KCNQ5: variants seen among roughly 807,000 people sequenced by gnomAD.
KCNQ5 encodes potassium voltage-gated channel subfamily KQT member 5.
In KCNQ5, 30 loss-of-function variants were observed where a neutral mutation model predicts 98.2. That is an observed-to-expected ratio of 0.31 (90% CI 0.23 to 0.41). KCNQ5 has a LOEUF of 0.41. Among genes scored for constraint, KCNQ5 ranks in the 10% least tolerant of loss-of-function variants. The pLI is 1.00. For missense variants in KCNQ5, 835 were observed against 1,182.5 expected, an observed-to-expected ratio of 0.71 and a Z score of 4.31; for synonymous variants, 458 against 449.4, an observed-to-expected ratio of 1.02 and a Z score of -0.24.
intron 1 of KCNQ5, among the ~76,000 whole-genome samples, chr6:72,693,309 C>T (rs1768306665): frequency 1.3e-5 from 2 of 151,966 alleles, no homozygotes; most frequent in African/African-American, 2.4e-5. Context: ...TGTTTGGGAG[C>T]AAGATGTGGA....
intron 10 of KCNQ5, among the ~76,000 whole-genome samples, chr6:73,158,455 C>T (rs926063941): frequency 1.3e-5 from 2 of 151,796 alleles, no homozygotes; most frequent in Non-Finnish European, 2.9e-5. Context: ...TTAGTAGAGA[C>T]GGGGTTTCAC....
At chr6:73,079,809 G>A (rs1342727938) in intron 5 of KCNQ5, among the ~76,000 whole-genome samples, 1 of 152,204 alleles carries the variant, frequency 6.6e-6, no homozygotes, top group Non-Finnish European at 1.5e-5. Context: ...ATGAAAATCT[G>A]TGACTCATGA....
At chr6:72,810,345 A>C (rs1297234061) in intron 1 of KCNQ5, among the ~76,000 whole-genome samples, 1 of 152,234 alleles carries the variant, frequency 6.6e-6, no homozygotes, top group African/African-American at 2.4e-5. Flanking sequence ...AGAAGAAGTG[A>C]GAAGTGAAGG....
chr6:72,626,136 G>C (rs1280292417), intron 1 of KCNQ5, among the ~76,000 whole-genome samples: 1 of 152,238 alleles, frequency 6.6e-6, no homozygotes. Context: ...ACGCCAGCAA[G>C]GGACTACTAC....
At chr6:72,906,723 C>T (rs1779713826) in intron 1 of KCNQ5, among the ~76,000 whole-genome samples, 1 of 152,232 alleles carries the variant, frequency 6.6e-6, no homozygotes, top group Non-Finnish European at 1.5e-5. Flanking sequence ...CCCACTTCCA[C>T]ATTTGGGCAC....
chr6:73,143,747 T>C (rs1057446043), intron 10 of KCNQ5, among the ~76,000 whole-genome samples: 28 of 152,186 alleles, frequency 1.8e-4, no homozygotes, highest in African/African-American at 6.5e-4. Context: ...AAGAACTTAC[T>C]GTTTGTCTGT....
At chr6:72,778,368 C>T in intron 1 of KCNQ5, among the ~76,000 whole-genome samples, 1 of 151,964 alleles carries the variant, frequency 6.6e-6, no homozygotes, top group Admixed American at 6.6e-5. Context: ...AAAACCCCAT[C>T]TCTACCAAAA....
At chr6:73,072,911 A>G (rs1477952503) in intron 3 of KCNQ5, among the ~76,000 whole-genome samples, 1 of 151,522 alleles carries the variant, frequency 6.6e-6, no homozygotes, top group African/African-American at 2.4e-5. Context: ...TTTTTTATTC[A>G]TGTGACTTAG....
intron 3 of KCNQ5, among the ~76,000 whole-genome samples, chr6:73,052,933 T>C (rs925691776): frequency 6.6e-6 from 1 of 152,126 alleles, no homozygotes; most frequent in African/African-American, 2.4e-5. Flanking sequence ...AAATGCCCAA[T>C]TAAAAGGCAC....
chr6:73,151,326 A>G (rs1040712085), intron 10 of KCNQ5, among the ~76,000 whole-genome samples: 1 of 152,186 alleles, frequency 6.6e-6, no homozygotes, highest in Non-Finnish European at 1.5e-5. Flanking sequence ...TTCCAATAAT[A>G]TGAGTGTACT....
At chr6:72,954,888 G>A (rs572811717) in intron 1 of KCNQ5, among the ~76,000 whole-genome samples, 23 of 152,196 alleles carry the variant, frequency 1.5e-4, no homozygotes, top group African/African-American at 4.6e-4. Context: ...CATGGCCCTC[G>A]TGTGTATGTA....
intron 1 of KCNQ5, among the ~76,000 whole-genome samples, chr6:72,979,404 T>C (rs1216013325): frequency 6.6e-6 from 1 of 152,254 alleles, no homozygotes. Context: ...GTGGTTTTGA[T>C]TTGCATTTCT....
At chr6:72,945,319 T>C (rs1011379186) in intron 1 of KCNQ5, among the ~76,000 whole-genome samples, 1 of 152,092 alleles carries the variant, frequency 6.6e-6, no homozygotes, top group Non-Finnish European at 1.5e-5. Context: ...TAGTTACATA[T>C]GTATACATGT....
intron 1 of KCNQ5, among the ~76,000 whole-genome samples, chr6:72,946,267 C>T (rs1017767442): frequency 2.6e-5 from 4 of 152,030 alleles, no homozygotes; most frequent in East Asian, 3.8e-4. Context: ...TTATGCCTCT[C>T]GGATGAAGTG....
At chr6:72,919,237 G>A (rs1384089797) in intron 1 of KCNQ5, among the ~76,000 whole-genome samples, 1 of 152,176 alleles carries the variant, frequency 6.6e-6, no homozygotes, top group African/African-American at 2.4e-5. Context: ...AAATAAATCA[G>A]AGGGTCACCT....
At chr6:73,013,756 A>G (rs1163325977) in intron 2 of KCNQ5, among the ~76,000 whole-genome samples, 2 of 152,210 alleles carry the variant, frequency 1.3e-5, no homozygotes, top group East Asian at 3.9e-4. Flanking sequence ...AAGGCTGACA[A>G]GTCTACCAAA....
chr6:73,121,313 T>G (rs985940047), intron 8 of KCNQ5, among the ~76,000 whole-genome samples: 2 of 150,552 alleles, frequency 1.3e-5, no homozygotes, highest in Non-Finnish European at 2.9e-5. Context: ...ACAGTCCTAA[T>G]GATTACCACA....
At chr6:73,057,495 T>C (rs1772574439) in intron 3 of KCNQ5, among the ~76,000 whole-genome samples, 1 of 151,676 alleles carries the variant, frequency 6.6e-6, no homozygotes, top group Non-Finnish European at 1.5e-5. Context: ...AATAAATAAA[T>C]AAATAAAAAT....
intron 1 of KCNQ5, among the ~76,000 whole-genome samples, chr6:72,973,731 A>G (rs1370341064): frequency 6.6e-6 from 1 of 152,260 alleles, no homozygotes; most frequent in African/African-American, 2.4e-5. Flanking sequence ...TTTATCTAAT[A>G]CAAATGACAA....
Sources: allele counts gnomAD v4.1 joint callset (sites outside exome capture counted in the v4.1 genomes callset), GRCh38; gene constraint gnomAD v4.1.1; transcripts MANE v1.5; gene names NCBI Gene and HGNC (gene_info 2026-07-23, HGNC 2026-07-21).